The following PCCA variants were observed in gnomAD, a reference collection of about 807,000 sequenced individuals.
PCCA encodes the protein propionyl-CoA carboxylase subunit alpha, also known as propionyl-CoA carboxylase alpha chain, mitochondrial.
PCCA carries 74 observed loss-of-function variants against 101.3 expected under a neutral mutation model. The observed-to-expected ratio is 0.73, with a 90% CI of 0.61 to 0.89. PCCA has a LOEUF of 0.89. Among genes scored for constraint, PCCA ranks in the 40% least tolerant of loss-of-function variants. The pLI, the probability that PCCA is intolerant of heterozygous loss-of-function variation, is 0.00. For synonymous variants in PCCA, 294 were observed against 313.6 expected, an observed-to-expected ratio of 0.94 and a Z score of 0.66; for missense variants, 891 against 907.0, an observed-to-expected ratio of 0.98 and a Z score of 0.23.
chr13:100,245,316 A>C (rs76929697), intron 8 of PCCA, among the ~76,000 whole-genome samples: 2,228 of 152,264 alleles, frequency 0.015, 61 homozygotes, highest in African/African-American at 0.051. Context: ...ATGGCAGCCA[A>C]ATTTCCCAGT....
intron 18 of PCCA, among the ~76,000 whole-genome samples, chr13:100,363,246 C>T (rs1243108176): frequency 6.6e-6 from 1 of 152,082 alleles, no homozygotes; most frequent in Non-Finnish European, 1.5e-5. Flanking sequence ...TCCCCTTCCC[C>T]AACCCTGGGG....
chr13:100,384,520 CTT>C (rs1327419983), intron 19 of PCCA, among the ~76,000 whole-genome samples: 1 of 152,090 alleles, frequency 6.6e-6, no homozygotes, highest in Non-Finnish European at 1.5e-5. Flanking sequence ...ATCATAATCT[CTT>C]TTATTCTATG....
chr13:100,228,793 G>A (rs2060298068), intron 7 of PCCA, among the ~76,000 whole-genome samples: 1 of 151,510 alleles, frequency 6.6e-6, no homozygotes, highest in African/African-American at 2.4e-5. Flanking sequence ...CCAGCTACTT[G>A]GGAGGCTGAG....
chr13:100,227,714 G>T (rs545642296), intron 7 of PCCA, among the ~76,000 whole-genome samples: 1 of 152,128 alleles, frequency 6.6e-6, no homozygotes, highest in South Asian at 2.1e-4. Context: ...CTTCCCTCAG[G>T]ACAAGCTGGG....
intron 21 of PCCA, among the ~76,000 whole-genome samples, chr13:100,510,396 AC>A (rs1440579109): frequency 6.6e-6 from 1 of 152,126 alleles, no homozygotes; most frequent in Non-Finnish European, 1.5e-5. Context: ...TATGCTAAAT[AC>A]CCCAGTCATT....
At position 100,452,659 on chromosome 13, in the gene PCCA, T is replaced by C. The variant is rs543908648; in HGVS notation, c.1899+3354T>C. ...TCGCCCACTTTATTTATTTATTTTT[T>C]TCATTAGCAGTTACCACTGCTTGAC... On this transcript the variant is annotated intron_variant, in intron 21 of 23. Coordinates refer to ENST00000376285, the MANE Select transcript of PCCA (RefSeq NM_000282.4). Among the ~76,000 whole-genome samples, 101 of 152,204 alleles carry C rather than the reference T, an allele frequency of 6.6e-4. 1 individual carries two copies. Among genetic ancestry groups the C allele is most frequent in the African/African-American group, 2.2e-3 (93 of 41,492 alleles).
intron 19 of PCCA, among the ~76,000 whole-genome samples, chr13:100,385,632 A>AT (rs201651339): frequency 1.2e-3 from 177 of 152,006 alleles, no homozygotes; most frequent in Admixed American, 8.9e-3. Flanking sequence ...TTATTTATTT[A>AT]TTTTTTTTGA....
At chr13:100,398,357 A>C (rs780623956) in intron 19 of PCCA, among the ~76,000 whole-genome samples, 29 of 152,202 alleles carry the variant, frequency 1.9e-4, no homozygotes, top group Admixed American at 7.9e-4. Flanking sequence ...CCTCAGTGGG[A>C]AGGTTGTTTC....
intron 21 of PCCA, among the ~76,000 whole-genome samples, chr13:100,492,806 G>A (rs149010622): frequency 5.2e-4 from 79 of 151,682 alleles, no homozygotes; most frequent in African/African-American, 1.9e-3. Context: ...ATTGAGAGGA[G>A]TTCGGCTGGG....
At chr13:100,341,589 A>T (rs573469772) in intron 18 of PCCA, among the ~76,000 whole-genome samples, 1 of 152,342 alleles carries the variant, frequency 6.6e-6, no homozygotes, top group African/African-American at 2.4e-5. Context: ...TTTCCACCAC[A>T]GCAGGTGTGT....
intron 2 of PCCA, among the ~76,000 whole-genome samples, chr13:100,109,935 C>G (rs189946258): frequency 6.6e-6 from 1 of 152,122 alleles, no homozygotes; most frequent in Non-Finnish European, 1.5e-5. Context: ...AGTTCGAGGC[C>G]GGCCTGACCA....
At chr13:100,163,903 T>A (rs756651548) in intron 6 of PCCA, among the ~76,000 whole-genome samples, 1 of 152,202 alleles carries the variant, frequency 6.6e-6, no homozygotes, top group Non-Finnish European at 1.5e-5. Flanking sequence ...GTGTTTTTTC[T>A]AGGATTGCAA....
At chr13:100,200,255 C>A (rs1282651542) in intron 6 of PCCA, among the ~76,000 whole-genome samples, 5 of 152,136 alleles carry the variant, frequency 3.3e-5, no homozygotes, top group Admixed American at 2.6e-4. Flanking sequence ...AGCCTGCCAC[C>A]ATGCCTGGCT....
chr13:100,222,407 T>C (rs914869484), intron 7 of PCCA, among the ~76,000 whole-genome samples: 4 of 152,164 alleles, frequency 2.6e-5, no homozygotes, highest in Admixed American at 2.0e-4. Context: ...GTTTTATTTT[T>C]AGTTTGTTTT....
At chr13:100,217,884 G>A (rs1205053816) in intron 7 of PCCA, among the ~76,000 whole-genome samples, 1 of 150,734 alleles carries the variant, frequency 6.6e-6, no homozygotes, top group Non-Finnish European at 1.5e-5. Flanking sequence ...GACCAGCCTG[G>A]CCAGCATGGT....
intron 19 of PCCA, among the ~76,000 whole-genome samples, chr13:100,414,666 G>C (rs2078244925): frequency 6.6e-6 from 1 of 152,174 alleles, no homozygotes; most frequent in Non-Finnish European, 1.5e-5. Flanking sequence ...TCTAGTTGCA[G>C]TTTATGTAGA....
intron 12 of PCCA, among the ~76,000 whole-genome samples, chr13:100,273,563 A>G (rs922738715): frequency 2.6e-5 from 4 of 152,236 alleles, no homozygotes; most frequent in African/African-American, 9.6e-5. Flanking sequence ...TTAATACTTT[A>G]TGTTGGAAAT....
intron 6 of PCCA, among the ~76,000 whole-genome samples, chr13:100,201,887 A>C (rs900460294): frequency 1.4e-5 from 2 of 145,288 alleles, no homozygotes; most frequent in African/African-American, 2.6e-5. Context: ...AAAAAAAAAA[A>C]ACCAAAAGCA....
intron 21 of PCCA, among the ~76,000 whole-genome samples, chr13:100,465,427 AG>A (rs1240690851): frequency 6.6e-6 from 1 of 152,210 alleles, no homozygotes; most frequent in Non-Finnish European, 1.5e-5. Flanking sequence ...TTTTAAAATC[AG>A]GGAGTGACAT....
Sources: allele counts gnomAD v4.1 joint callset (sites outside exome capture counted in the v4.1 genomes callset), GRCh38; gene constraint gnomAD v4.1.1; transcripts MANE v1.5; gene names NCBI Gene and HGNC (gene_info 2026-07-23, HGNC 2026-07-21).